The following PCDHA5 variants were observed in gnomAD, a reference collection of about 807,000 sequenced individuals.
PCDHA5 encodes protocadherin alpha 5.
A neutral mutation model predicts 61.6 loss-of-function variants in PCDHA5; 43 were observed. The ratio of observed to expected loss-of-function variants is 0.70; its 90% CI spans 0.55 to 0.90. The LOEUF is 0.90. Ranked by LOEUF, PCDHA5 falls within the 40% of genes least tolerant of loss-of-function variation. The pLI is 0.00. For synonymous variants in PCDHA5, 627 were observed against 543.9 expected (o/e 1.15, Z -2.13); for missense variants, 1,298 against 1,222.7 (o/e 1.06, Z -0.92).
chr5:140,946,631 T>TATATACACAC (rs57893927), intron 1 of PCDHA5, among the ~76,000 whole-genome samples: 7 of 131,846 alleles, frequency 5.3e-5, no homozygotes, highest in Non-Finnish European at 1.1e-4. Context: ...TATATATATA[T>TATATACACAC]ACAATGGAAT....
At chr5:140,919,518 T>C (rs1027780107) in intron 1 of PCDHA5, among the ~76,000 whole-genome samples, 1 of 152,194 alleles carries the variant, frequency 6.6e-6, no homozygotes. Context: ...TATGTTTTAA[T>C]TCTCTTTTTT....
chr5:140,900,101 T>C (rs2067753417), intron 1 of PCDHA5, among the ~76,000 whole-genome samples: 1 of 152,180 alleles, frequency 6.6e-6, no homozygotes, highest in African/African-American at 2.4e-5. Flanking sequence ...TGCGCCACCA[T>C]ACCTGGCCTT....
Position 140,843,127 on chromosome 5 carries a change from C to G in PCDHA5, c.2352+19000C>G, listed in dbSNP as rs2150353470. 3 of 1,595,942 alleles carry G rather than the reference C, an allele frequency of 1.9e-6. No individual in the cohort carries two copies. The South Asian group carries it at 3.3e-5, about 18-fold the overall frequency. On this transcript the variant is annotated intron_variant, in intron 1 of 3. Transcript: ENST00000529859. The stretch of plus-strand genomic sequence containing the variant: ...TGCGCGCAGTGGACGCCGACTCGGG[C>G]TACAACGCGTGGCTTTCGTATGAGC...
chr5:140,882,996 A>G lies in PCDHA5; in HGVS notation c.2352+58869A>G, dbSNP rs782381110. On this transcript the variant is annotated intron_variant, in intron 1 of 3. Transcript: ENST00000529859. The stretch of plus-strand genomic sequence containing the variant: ...GTGAATGACAACGCCCCGGAATTTT[A>G]CCAATCCGTTTATAAAGTGACGGTG... 2.9e-5 allele frequency: 46 copies of G among 1,614,024 alleles called. No individual in the cohort carries two copies. The Middle Eastern group carries it at 4.9e-4, about 17-fold the overall frequency.
chr5:140,915,283 C>T (rs1395177735), intron 1 of PCDHA5, among the ~76,000 whole-genome samples: 1 of 152,068 alleles, frequency 6.6e-6, no homozygotes, highest in African/African-American at 2.4e-5. Context: ...ATCATTTACT[C>T]TTTCTACTTA....
intron 1 of PCDHA5, chr5:140,875,600 C>T: frequency 6.2e-7 from 1 of 1,613,884 alleles, no homozygotes; most frequent in Non-Finnish European, 8.5e-7. Context: ...AAACACGGCA[C>T]CTTCGTGGGC....
chr5:140,979,514 C>G lies in PCDHA5; in HGVS notation c.2411+507C>G, dbSNP rs75440413. On this transcript the variant is annotated intron_variant, in intron 2 of 3. Transcript: ENST00000529859. Reference sequence around the variant, plus strand: ...ATTAGAGCCTCCTCATCTTTCCCATCTGTTGCTATCTTATTGTCATCAATG... The same window carrying G: ...ATTAGAGCCTCCTCATCTTTCCCATGTGTTGCTATCTTATTGTCATCAATG... 4.7e-4 allele frequency among the ~76,000 whole-genome samples: 71 copies of G among 152,274 alleles called. 1 individual carries two copies. In the East Asian group the frequency reaches 0.014, roughly 29 times the overall value.
chr5:140,828,505 A>T (rs2150156185), intron 1 of PCDHA5: 1 of 1,614,210 alleles, frequency 6.2e-7, no homozygotes, highest in South Asian at 1.1e-5. Flanking sequence ...TAGAGGAACA[A>T]AGAGTGCTGA....
intron 1 of PCDHA5, among the ~76,000 whole-genome samples, chr5:140,959,741 C>T (rs1415934970): frequency 6.6e-6 from 1 of 152,068 alleles, no homozygotes; most frequent in Admixed American, 6.6e-5. Flanking sequence ...CATCAAAATG[C>T]CTTAAAGTAT....
At chr5:140,855,056 G>C (rs1045590902) in intron 1 of PCDHA5, among the ~76,000 whole-genome samples, 1 of 149,630 alleles carries the variant, frequency 6.7e-6, no homozygotes, top group Non-Finnish European at 1.5e-5. Flanking sequence ...GTACTTTTCT[G>C]TTTTCTTAAA....
intron 1 of PCDHA5, among the ~76,000 whole-genome samples, chr5:140,826,047 G>A (rs1554130434): frequency 6.6e-6 from 1 of 152,052 alleles, no homozygotes; most frequent in East Asian, 1.9e-4. Context: ...CTGTTGCTTT[G>A]CCTGTTTCTT....
intron 1 of PCDHA5, chr5:140,876,557 A>C: frequency 6.2e-7 from 1 of 1,614,156 alleles, no homozygotes; most frequent in Admixed American, 1.7e-5. Context: ...GTGCAAGAGG[A>C]TGCTCAGGTG....
At chr5:140,930,306 CAT>C (rs1554207728) in intron 1 of PCDHA5, 1 of 152,052 alleles carries the variant, frequency 6.6e-6, no homozygotes, top group East Asian at 1.9e-4. Context: ...AAGTAAATAT[CAT>C]ATTTGAGAGT....
In PCDHA5 at chr5:140,829,586, G is replaced by T. The variant is rs2150170634; in HGVS notation, c.2352+5459G>T. 6.2e-7 allele frequency: 1 copy of T among 1,612,232 alleles called. No individual in the cohort carries two copies. The highest frequency in any genetic ancestry group is 8.5e-7 in the Non-Finnish European group (1 of 1,179,786). On this transcript the variant is annotated intron_variant, in intron 1 of 3. Coordinates refer to ENST00000529859, the MANE Select transcript of PCDHA5 (RefSeq NM_018908.3). ...GTCCTACTCGCTGGTGGAGCGGCGG[G>T]TGGGCGAGCGCGCGTTGTCGAGCTA... is the stretch of plus-strand genomic sequence containing the variant.
intron 1 of PCDHA5, among the ~76,000 whole-genome samples, chr5:140,935,339 A>G (rs1048024159): frequency 1.3e-5 from 2 of 152,180 alleles, no homozygotes; most frequent in Admixed American, 6.5e-5. Context: ...TTTCTCCCAT[A>G]CGTCAAATCC....
At chr5:140,928,932 G>T in intron 1 of PCDHA5, 5 of 1,614,108 alleles carry the variant, frequency 3.1e-6, no homozygotes, top group Non-Finnish European at 2.5e-6. Flanking sequence ...TTTCTGCCCA[G>T]AACTTGTATT....
chr5:140,823,283 T>C lies in PCDHA5; in HGVS notation c.1508T>C (p.Leu503Pro). The stretch of plus-strand genomic sequence containing the variant: ...GAGCGGCGGGTGGGCGAGCGCCCGC[T>C]GTCGAGTTACGTTTCGGTGCACGCG... ...LVERRVGERP[L>P]SSYVSVHAES... Residue 503 changes from leucine to proline, a missense_variant, in exon 1 of 4, where the codon CTG becomes CCG. Physicochemically the swap from Leu to Pro is moderately conservative, Grantham distance 98. Transcript: ENST00000529859. 1 of 1,612,304 alleles carries C rather than the reference T, an allele frequency of 6.2e-7. No individual in the cohort carries two copies. The highest frequency in any genetic ancestry group is 2.0e-4 in the Middle Eastern group (1 of 5,026).
chr5:140,891,756 G>A (rs782304941), intron 1 of PCDHA5, among the ~76,000 whole-genome samples: 20 of 152,144 alleles, frequency 1.3e-4, no homozygotes, highest in Non-Finnish European at 2.5e-4. Flanking sequence ...AACAGTGTTG[G>A]GAGGTGGGGA....
At chr5:140,991,356 T>C (rs574243681) in intron 3 of PCDHA5, among the ~76,000 whole-genome samples, 2 of 152,366 alleles carry the variant, frequency 1.3e-5, no homozygotes, top group Non-Finnish European at 2.9e-5. Flanking sequence ...AAAAGACTAT[T>C]TACTGTCTGA....
Sources: gnomAD v4.1 joint callset for allele counts (sites outside exome capture counted in the v4.1 genomes callset) on GRCh38, gnomAD v4.1.1 for gene constraint, MANE v1.5 for transcripts, NCBI Gene and HGNC (gene_info 2026-07-23, HGNC 2026-07-21) for gene names.